The following GPC4 variants were observed in gnomAD, a reference collection of about 807,000 sequenced individuals.
The protein encoded by GPC4 is glypican-4.
GPC4 carries 10 observed loss-of-function variants against 35.0 expected under a neutral mutation model. The observed-to-expected ratio is 0.29, with a 90% CI of 0.18 to 0.48. The LOEUF (loss-of-function observed/expected upper bound fraction) is 0.48, where lower values mean the gene tolerates loss of function less well. GPC4 is among the 20% of genes least tolerant of loss of function. The probability of loss-of-function intolerance (pLI) is 0.99; values close to 1 mark genes in which losing one functional copy is unlikely to be tolerated. For missense variants in GPC4, 322 were observed against 451.3 expected, an observed-to-expected ratio of 0.71 and a Z score of 2.60; for synonymous variants, 167 against 170.2, an observed-to-expected ratio of 0.98 and a Z score of 0.15.
At chrX:133,397,509 A>G (rs1394594665) in intron 1 of GPC4, among the ~76,000 whole-genome samples, 1 of 110,018 alleles carries the variant, frequency 9.1e-6, no homozygotes, top group Non-Finnish European at 1.9e-5. Flanking sequence ...GTGAGCCGTG[A>G]TCACACCACT....
chrX:133,350,260 T>C (rs190998182), intron 1 of GPC4, among the ~76,000 whole-genome samples: 108 of 111,861 alleles, frequency 9.7e-4, no homozygotes, highest in African/African-American at 3.5e-3. Context: ...CAGTGGCTCA[T>C]GCCTGTAATC....
intron 1 of GPC4, among the ~76,000 whole-genome samples, chrX:133,389,771 C>G (rs2068710869): frequency 9.0e-6 from 1 of 111,430 alleles, no homozygotes; most frequent in African/African-American, 3.3e-5. Context: ...ATGTGGCCAG[C>G]ACCACGGACC....
At chrX:133,347,593 T>C (rs1047800456) in intron 1 of GPC4, among the ~76,000 whole-genome samples, 8 of 111,133 alleles carry the variant, frequency 7.2e-5, no homozygotes, top group African/African-American at 2.6e-4. Flanking sequence ...CAGGTTGCTA[T>C]ATAACTCCAG....
intron 2 of GPC4, 96 bp from the exon 3 acceptor site, chrX:133,324,632 A>G: frequency 4.8e-6 from 4 of 839,544 alleles, no homozygotes; most frequent in Non-Finnish European, 6.6e-6. Flanking sequence ...AAACTGGAAA[A>G]AAAACACAAT....
chrX:133,398,407 GTC>G (rs1446805042), intron 1 of GPC4, among the ~76,000 whole-genome samples: 2 of 111,753 alleles, frequency 1.8e-5, no homozygotes, highest in African/African-American at 6.5e-5. Context: ...CCGAGCTAGT[GTC>G]TCTATACATA....
Position 133,387,245 on chromosome X carries a change from C to CTCCCAGTA in GPC4, c.160+27553_160+27560dup, listed in dbSNP as rs761403570. On this transcript the variant is annotated intron_variant, in intron 1 of 8. Coordinates refer to ENST00000370828, the MANE Select transcript of GPC4 (RefSeq NM_001448.3). Reference sequence around the variant, plus strand: ...GTGGGCTGAGAGGCTCTACTTTGGTCTCCCAGTATTTCCTGTTATTGTAGT... The same window carrying CTCCCAGTA: ...GTGGGCTGAGAGGCTCTACTTTGGTCTCCCAGTATCCCAGTATTTCCTGTTATTGTAGT... 1.4e-4 allele frequency among the ~76,000 whole-genome samples: 16 copies of CTCCCAGTA among 112,147 alleles called. No homozygotes were observed. In the East Asian group the frequency reaches 4.5e-3, roughly 31 times the overall value.
intron 1 of GPC4, among the ~76,000 whole-genome samples, chrX:133,341,341 G>C (rs759890238): frequency 3.6e-5 from 4 of 111,874 alleles, no homozygotes; most frequent in African/African-American, 3.2e-5. Context: ...CATACCCCCT[G>C]TAGAAAATGA....
At chrX:133,354,600 C>A (rs751544063) in intron 1 of GPC4, among the ~76,000 whole-genome samples, 1 of 102,907 alleles carries the variant, frequency 9.7e-6, no homozygotes, top group Admixed American at 1.0e-4. Flanking sequence ...CTCGCTCTGT[C>A]GCCCAGGCCA....
chrX:133,348,940 G>A lies in GPC4; in HGVS notation c.161-9599C>T, dbSNP rs997323605. Among the ~76,000 whole-genome samples the A allele has an allele frequency of 4.5e-5, 5 of 112,345 alleles. No individual in the cohort carries two copies. The Admixed American group carries it at 4.7e-4, about 11-fold the overall frequency. ...CAGAGAGTGAGATGAGAGACTGTAT[G>A]GAGACTGAGATTCCCAGGGTTGATC... is the stretch of plus-strand genomic sequence containing the variant. On this transcript the variant is annotated intron_variant, in intron 1 of 8. Coordinates refer to ENST00000370828, the MANE Select transcript of GPC4 (RefSeq NM_001448.3).
At chrX:133,380,273 G>A (rs1328556952) in intron 1 of GPC4, among the ~76,000 whole-genome samples, 2 of 110,254 alleles carry the variant, frequency 1.8e-5, no homozygotes, top group African/African-American at 6.6e-5. Flanking sequence ...GGAGGCGGAG[G>A]TTGCAGTGAG....
rs2068272140 is a variant in GPC4, at chrX:133,302,814, A to G, written c.*53T>C. ...AAGTCACTAGGATGGTAGAAAAGTGATAACTGGTGCCTTTTAACTTTTTGA... is the reference window on the plus strand; with the variant it reads ...AAGTCACTAGGATGGTAGAAAAGTGGTAACTGGTGCCTTTTAACTTTTTGA... On this transcript the variant is annotated 3_prime_UTR_variant, in exon 9 of 9. Transcript: ENST00000370828. 8.9e-7 allele frequency: 1 copy of G among 1,123,116 alleles called. No individual in the cohort carries two copies. The highest frequency in any genetic ancestry group is 1.8e-5 in the African/African-American group (1 of 56,238). 92.6% of individuals were successfully genotyped at this position (1,123,116 alleles called of 1,213,427 possible). A position where few individuals can be genotyped will look rare whatever the true frequency, so the allele number is the denominator to read the frequency against.
At position 133,363,563 on chromosome X, in the gene GPC4, A is replaced by T. The variant is rs1431346107; in HGVS notation, c.161-24222T>A. Among the ~76,000 whole-genome samples, 3 of 111,399 alleles carry T rather than the reference A, an allele frequency of 2.7e-5. No homozygotes were observed. In the East Asian group the frequency reaches 8.4e-4, roughly 31 times the overall value. The stretch of plus-strand genomic sequence containing the variant: ...TCCCCAACCCTCATCAGCTAGGCAA[A>T]CCATGCTGTTAGCATTAGAGTACTA... On this transcript the variant is annotated intron_variant, in intron 1 of 8. Coordinates refer to ENST00000370828, the MANE Select transcript of GPC4 (RefSeq NM_001448.3).
intron 1 of GPC4, among the ~76,000 whole-genome samples, chrX:133,389,848 G>C (rs1036552352): frequency 7.2e-5 from 8 of 111,807 alleles, no homozygotes; most frequent in Non-Finnish European, 1.1e-4. Flanking sequence ...AGCACTCATG[G>C]GTGTTAGATT....
rs766328132 is a variant in GPC4, at chrX:133,302,891, C to G, written c.1647G>C (p.Leu549=). Residue 549 remains leucine (L), a synonymous_variant, in exon 9 of 9, where the codon CTG becomes CTC. Transcript: ENST00000370828. ...YLLTVFCILF[L]VMQREWR ...ATTATCTCCACTCTCTCTGCATAACCAGGAACAAGATGCAGAAGACAGTGA... is the reference window on the plus strand; with the variant it reads ...ATTATCTCCACTCTCTCTGCATAACGAGGAACAAGATGCAGAAGACAGTGA... 1.8e-5 allele frequency: 22 copies of G among 1,209,406 alleles called. No individual in the cohort carries two copies. Among genetic ancestry groups the G allele is most frequent in the Non-Finnish European group, 2.5e-5 (22 of 894,780 alleles).
In GPC4 at chrX:133,300,875, C is replaced by T. The variant is rs2068264815; in HGVS notation, c.*1992G>A. The T allele has an allele frequency of 1.8e-5, 2 of 111,658 alleles. No individual in the cohort carries two copies. Among genetic ancestry groups the T allele is most frequent in the Non-Finnish European group, 3.8e-5 (2 of 53,162 alleles). 9.2% of individuals were successfully genotyped at this position (111,658 alleles called of 1,213,427 possible). On this transcript the variant is annotated 3_prime_UTR_variant, in exon 9 of 9. Transcript: ENST00000370828. ...AGTCTAAGCTAAAAAGGAAATTCCT[C>T]ACAACTGAGGTAGTTACTAAGTATC...
intron 1 of GPC4, among the ~76,000 whole-genome samples, chrX:133,373,543 C>A (rs2068622146): frequency 9.0e-6 from 1 of 111,407 alleles, no homozygotes; most frequent in Non-Finnish European, 1.9e-5. Context: ...AGGCAGGCAT[C>A]AGGCTCAGCG....
chrX:133,327,131 T>G (rs1435099074), intron 2 of GPC4, among the ~76,000 whole-genome samples: 2 of 112,747 alleles, frequency 1.8e-5, no homozygotes, highest in African/African-American at 6.4e-5. Context: ...AGCTACCACA[T>G]GTCCTTCCTT....
chrX:133,400,023 T>G (rs1188679237), intron 1 of GPC4, among the ~76,000 whole-genome samples: 2 of 112,124 alleles, frequency 1.8e-5, no homozygotes, highest in Non-Finnish European at 3.8e-5. Context: ...CAGAATCCTC[T>G]CTTTGGTCTC....
intron 1 of GPC4, among the ~76,000 whole-genome samples, chrX:133,357,381 CAA>C (rs1416254763): frequency 5.0e-5 from 4 of 80,166 alleles, no homozygotes; most frequent in Non-Finnish European, 2.4e-5. Flanking sequence ...AAGACTCTCT[CAA>C]AAAAAAAAAA....
Sources: gnomAD v4.1 joint callset for allele counts (sites outside exome capture counted in the v4.1 genomes callset) on GRCh38, gnomAD v4.1.1 for gene constraint, MANE v1.5 for transcripts, NCBI Gene and HGNC (gene_info 2026-07-23, HGNC 2026-07-21) for gene names.